The following DCHS2 variants were observed in gnomAD, a reference collection of about 807,000 sequenced individuals.
DCHS2 encodes the protein protocadherin-23.
A neutral mutation model predicts 182.4 loss-of-function variants in DCHS2; 142 were observed. The ratio of observed to expected loss-of-function variants is 0.78; its 90% CI spans 0.68 to 0.89. The LOEUF is 0.89. Ranked by LOEUF, DCHS2 falls within the 40% of genes least tolerant of loss-of-function variation. The probability of loss-of-function intolerance (pLI) is 0.00; values close to 1 mark genes in which losing one functional copy is unlikely to be tolerated. For synonymous variants in DCHS2, 1,740 were observed against 1,663.3 expected (o/e 1.05, Z -1.12); for missense variants, 4,319 against 4,198.6 (o/e 1.03, Z -0.79).
Position 154,290,069 on chromosome 4 carries a change from A to C in DCHS2, c.6463+7782T>G, listed in dbSNP as rs575538271. Among the ~76,000 whole-genome samples, 13 of 152,286 alleles carry C rather than the reference A, an allele frequency of 8.5e-5. No homozygotes were observed. In the South Asian group the frequency reaches 2.7e-3, roughly 32 times the overall value. ...CTAAAGACTCCTCCAAAAAACTATT[A>C]GAACTGATAAACAAATTCAGTGAAG... On this transcript the variant is annotated intron_variant, in intron 13 of 19. Coordinates refer to ENST00000357232, the MANE Select transcript of DCHS2 (RefSeq NM_001358235.2).
chr4:154,326,340 C>T (rs1736282003), intron 7 of DCHS2, among the ~76,000 whole-genome samples: 1 of 152,144 alleles, frequency 6.6e-6, no homozygotes, highest in African/African-American at 2.4e-5. Flanking sequence ...ATTCTGAATA[C>T]TAATTTTGTA....
rs2111300780 is a variant in DCHS2 at position 154,305,180 on chromosome 4, A to G, written c.5312T>C (p.Leu1771Ser). ...TCCAGTGTCAGAATTTATCTCGAATAATTCAAATGAAGCACCTGGCATGAT... is the reference window on the plus strand; with the variant it reads ...TCCAGTGTCAGAATTTATCTCGAATGATTCAAATGAAGCACCTGGCATGAT... ...FEIMPGASFE[L>S]FEINSDTGEV... is the part of the protein sequence containing the mutation. The change falls in exon 11 of 20, where the codon TTA (leucine) becomes TCA (serine). Residue 1771 changes from leucine (L) to serine (S), a missense_variant. Coordinates refer to ENST00000357232, the MANE Select transcript of DCHS2 (RefSeq NM_001358235.2). The G allele has an allele frequency of 6.2e-7, 1 of 1,612,978 alleles. No homozygotes were observed. Among genetic ancestry groups the G allele is most frequent in the Non-Finnish European group, 8.5e-7 (1 of 1,179,506 alleles).
At chr4:154,310,808 T>C (rs895407971) in intron 10 of DCHS2, among the ~76,000 whole-genome samples, 4 of 152,200 alleles carry the variant, frequency 2.6e-5, no homozygotes, top group African/African-American at 9.6e-5. Context: ...TCATGATAAT[T>C]GGATCTGATG....
rs140220251 is a variant in DCHS2, at chr4:154,353,043, A to G, written c.2476+13167T>C. On this transcript the variant is annotated intron_variant, in intron 3 of 19. Coordinates refer to ENST00000357232, the MANE Select transcript of DCHS2 (RefSeq NM_001358235.2). Reference sequence around the variant, plus strand: ...TGTCTGGCTTGAAATTCAGTGATAAATAAGAGGTGATAAAAATTTCCTTTG... The same window carrying G: ...TGTCTGGCTTGAAATTCAGTGATAAGTAAGAGGTGATAAAAATTTCCTTTG... Among the ~76,000 whole-genome samples the G allele has an allele frequency of 8.1e-4, 123 of 152,330 alleles. 1 individual carries two copies. Among genetic ancestry groups the G allele is most frequent in the African/African-American group, 2.8e-3 (117 of 41,566 alleles).
At chr4:154,245,566 A>T (rs1354088908) in intron 16 of DCHS2, among the ~76,000 whole-genome samples, 1 of 152,134 alleles carries the variant, frequency 6.6e-6, no homozygotes. Flanking sequence ...TGAAAAAAAA[A>T]ATATCAGCCA....
At chr4:154,299,337 C>A (rs1165793384) in intron 12 of DCHS2, among the ~76,000 whole-genome samples, 2 of 152,114 alleles carry the variant, frequency 1.3e-5, no homozygotes, top group Non-Finnish European at 2.9e-5. Flanking sequence ...TTCATCTATT[C>A]CTTAAAAAAA....
At chr4:154,376,085 G>A (rs1005772546) in intron 2 of DCHS2, among the ~76,000 whole-genome samples, 1 of 152,064 alleles carries the variant, frequency 6.6e-6, no homozygotes, top group African/African-American at 2.4e-5. Context: ...GGGGCATGGA[G>A]GGGTGGATGG....
At chr4:154,319,579 C>G (rs936341077) in intron 9 of DCHS2, among the ~76,000 whole-genome samples, 1 of 149,026 alleles carries the variant, frequency 6.7e-6, no homozygotes, top group African/African-American at 2.5e-5. Context: ...AAAAATGCTC[C>G]ATGGCACTAA....
rs746030728 is a variant in DCHS2, at chr4:154,490,089, C to T, written c.1267G>A (p.Val423Ile). Reference protein sequence around the residue: ...IHVLFLTEGGVARVSEGARPG... With the variant: ...IHVLFLTEGGIARVSEGARPG... ...CGGGCGCCTTCAGAGACACGGGCGA[C>T]GCCTCCCTCTGTGAGAAAGAGCACG... Residue 423 changes from valine (V) to isoleucine (I), a missense_variant, in exon 1 of 20, where the codon GTC becomes ATC. Transcript: ENST00000357232. 8.6e-5 allele frequency: 134 copies of T among 1,549,466 alleles called. No individual in the cohort carries two copies. The highest frequency in any genetic ancestry group is 1.1e-4 in the Non-Finnish European group (131 of 1,146,706).
At chr4:154,329,099 C>T (rs1736408534) in intron 6 of DCHS2, among the ~76,000 whole-genome samples, 2 of 152,172 alleles carry the variant, frequency 1.3e-5, no homozygotes, top group Non-Finnish European at 2.9e-5. Flanking sequence ...CTTTTACTAT[C>T]TCTGGATTTC....
chr4:154,360,537 C>T (rs1291483038), intron 3 of DCHS2, among the ~76,000 whole-genome samples: 3 of 152,226 alleles, frequency 2.0e-5, no homozygotes, highest in South Asian at 4.1e-4. Flanking sequence ...CAGGAACAGG[C>T]TCACATCCCT....
chr4:154,429,007 G>T (rs1466643012), intron 1 of DCHS2, among the ~76,000 whole-genome samples: 3 of 151,600 alleles, frequency 2.0e-5, no homozygotes, highest in African/African-American at 7.3e-5. Flanking sequence ...ATGAAATTAA[G>T]TTCAGGGTTT....
intron 14 of DCHS2, among the ~76,000 whole-genome samples, chr4:154,267,254 C>T (rs1298863351): frequency 6.6e-6 from 1 of 152,170 alleles, no homozygotes; most frequent in African/African-American, 2.4e-5. Flanking sequence ...AACTCAAATA[C>T]CAGGCAGGTG....
intron 2 of DCHS2, chr4:154,374,272 G>C (rs1730787793): frequency 6.6e-6 from 2 of 305,336 alleles, no homozygotes; most frequent in East Asian, 1.3e-4. Flanking sequence ...ATCAACAGGG[G>C]CTTGTTTAGA....
chr4:154,283,456 C>CAAA (rs70947155), intron 13 of DCHS2, among the ~76,000 whole-genome samples: 2 of 126,742 alleles, frequency 1.6e-5, no homozygotes, highest in Non-Finnish European at 3.4e-5. Context: ...TAAGTTTAAG[C>CAAA]AAAAAAAAAA....
rs570724839 is a variant in DCHS2, at chr4:154,387,414, A to G, written c.2053-9970T>C. On this transcript the variant is annotated intron_variant, in intron 1 of 19. Transcript: ENST00000357232. ...ACCTGAAACAGATCCTACTAAAACT[A>G]AAAGTGTATATAACAAAGAAAACCA... Among the ~76,000 whole-genome samples, 16 of 146,648 alleles carry G rather than the reference A, an allele frequency of 1.1e-4. No homozygotes were observed. In the South Asian group the frequency reaches 2.3e-3, roughly 21 times the overall value.
chr4:154,378,445 G>A (rs1474798314), intron 1 of DCHS2, among the ~76,000 whole-genome samples: 2 of 143,272 alleles, frequency 1.4e-5, no homozygotes, highest in Non-Finnish European at 3.0e-5. Context: ...AAAAGAGGAG[G>A]AGGGAAGGAA....
intron 1 of DCHS2, among the ~76,000 whole-genome samples, chr4:154,381,444 C>T (rs764664189): frequency 1.6e-4 from 25 of 152,124 alleles, no homozygotes; most frequent in Middle Eastern, 6.8e-3. Context: ...CCAGAGCAAT[C>T]GGGCAACAGA....
rs948481717 is a variant in DCHS2 at position 154,490,501 on chromosome 4, G to T, written c.855C>A (p.Arg285=). 2.0e-6 allele frequency: 3 copies of T among 1,537,078 alleles called. No homozygotes were observed. The highest frequency in any genetic ancestry group is 2.6e-6 in the Non-Finnish European group (3 of 1,146,470). Reference sequence around the variant, plus strand: ...GCGGGTTGTCGTTCTCATCCAGCACGCGCAGCTCCACGCTCAGGAGGCCGG... The same window carrying T: ...GCGGGTTGTCGTTCTCATCCAGCACTCGCAGCTCCACGCTCAGGAGGCCGG... ...RRTGLLSVEL[R]VLDENDNPPV... Residue 285 remains arginine (R), a synonymous_variant, in exon 1 of 20, where the codon CGC becomes CGA. Coordinates refer to ENST00000357232, the MANE Select transcript of DCHS2 (RefSeq NM_001358235.2).
Sources: allele counts gnomAD v4.1 joint callset (sites outside exome capture counted in the v4.1 genomes callset), GRCh38; gene constraint gnomAD v4.1.1; transcripts MANE v1.5; gene names NCBI Gene and HGNC (gene_info 2026-07-23, HGNC 2026-07-21).